Variants in AGBL4 observed in about 807,000 individuals in gnomAD.
AGBL4 encodes the protein cytosolic carboxypeptidase 6.
Under a neutral mutation model 66.4 loss-of-function variants are expected in AGBL4, and 58 were observed. The ratio of observed to expected loss-of-function variants is 0.87; its 90% CI spans 0.71 to 1.09. The LOEUF (loss-of-function observed/expected upper bound fraction) is 1.09, where lower values mean the gene tolerates loss of function less well. Ranked by LOEUF, AGBL4 falls within the 50% of genes least tolerant of loss-of-function variation. The pLI is 0.00. For missense variants in AGBL4, 579 were observed against 631.0 expected (o/e 0.92, Z 0.88); for synonymous variants, 234 against 222.9 (o/e 1.05, Z -0.44).
At chr1:48,843,291 C>T (rs1001901238) in intron 6 of AGBL4, among the ~76,000 whole-genome samples, 9 of 152,032 alleles carry the variant, frequency 5.9e-5, no homozygotes, top group Non-Finnish European at 8.8e-5. Flanking sequence ...GTGTGACTTA[C>T]GATTTCTGAA....
intron 4 of AGBL4, among the ~76,000 whole-genome samples, chr1:49,070,141 A>G (rs1644572098): frequency 6.6e-6 from 1 of 151,954 alleles, no homozygotes; most frequent in Admixed American, 6.5e-5. Context: ...GGCTGAGACA[A>G]TGGGGTTTTC....
At chr1:49,819,948 C>A (rs963678912) in intron 2 of AGBL4, among the ~76,000 whole-genome samples, 30 of 152,234 alleles carry the variant, frequency 2.0e-4, no homozygotes, top group South Asian at 2.1e-4. Flanking sequence ...CCCTGGCAAT[C>A]CTCAGTAATA....
chr1:49,506,891 C>T (rs1437993906), intron 3 of AGBL4, among the ~76,000 whole-genome samples: 1 of 151,984 alleles, frequency 6.6e-6, no homozygotes, highest in African/African-American at 2.4e-5. Flanking sequence ...TATAGTGTGC[C>T]AATCTCTGGT....
chr1:49,514,548 T>C (rs1414127214), intron 3 of AGBL4, among the ~76,000 whole-genome samples: 1 of 151,954 alleles, frequency 6.6e-6, no homozygotes, highest in Non-Finnish European at 1.5e-5. Flanking sequence ...TTAAAGTTCA[T>C]ATGGAACCAA....
intron 1 of AGBL4, among the ~76,000 whole-genome samples, chr1:49,957,711 T>TGG (rs1428312267): frequency 6.6e-6 from 1 of 152,106 alleles, no homozygotes; most frequent in Non-Finnish European, 1.5e-5. Context: ...TCCATTTGCT[T>TGG]CGTAGATCTT....
chr1:48,524,493 A>C, the AGBL4 span, among the ~76,000 whole-genome samples: 1 of 152,152 alleles, frequency 6.6e-6, no homozygotes, highest in South Asian at 2.1e-4. Flanking sequence ...GAAAGAGGAG[A>C]GGTGGCCCTG....
chr1:48,910,608 G>A (rs1323832097), intron 5 of AGBL4, among the ~76,000 whole-genome samples: 2 of 152,038 alleles, frequency 1.3e-5, no homozygotes, highest in Non-Finnish European at 2.9e-5. Flanking sequence ...ACAAGGCATG[G>A]GGTGACAGAA....
chr1:49,950,160 A>G (rs1656022621), intron 1 of AGBL4, among the ~76,000 whole-genome samples: 1 of 145,176 alleles, frequency 6.9e-6, no homozygotes, highest in East Asian at 2.0e-4. Context: ...ATATATATAC[A>G]CACATATATA....
intron 3 of AGBL4, among the ~76,000 whole-genome samples, chr1:49,495,074 T>G (rs1647418974): frequency 6.6e-6 from 1 of 152,114 alleles, no homozygotes; most frequent in South Asian, 2.1e-4. Context: ...AATATCCACA[T>G]TCTCAGAAGC....
At chr1:49,464,323 G>A (rs1233589351) in intron 3 of AGBL4, among the ~76,000 whole-genome samples, 1 of 151,682 alleles carries the variant, frequency 6.6e-6, no homozygotes, top group Admixed American at 6.6e-5. Context: ...TAAGTCCCAG[G>A]GAGGCTTGCC....
At chr1:49,132,516 T>C (rs1645920726) in intron 4 of AGBL4, among the ~76,000 whole-genome samples, 4 of 152,074 alleles carry the variant, frequency 2.6e-5, no homozygotes, top group Admixed American at 1.3e-4. Flanking sequence ...TGATTTGAGA[T>C]TGGAAAAGAT....
intron 3 of AGBL4, among the ~76,000 whole-genome samples, chr1:49,316,392 T>A (rs1248134341): frequency 6.6e-6 from 1 of 151,918 alleles, no homozygotes; most frequent in Non-Finnish European, 1.5e-5. Flanking sequence ...GTAAATTTCA[T>A]TCAATTTTTT....
intron 11 of AGBL4, chr1:48,585,967 G>T (rs1463374944): frequency 6.6e-6 from 1 of 152,182 alleles, no homozygotes; most frequent in Non-Finnish European, 1.5e-5. Context: ...TCTACCTCCA[G>T]GGAGGGGGAA....
intron 3 of AGBL4, among the ~76,000 whole-genome samples, chr1:49,695,066 T>C (rs1280396454): frequency 2.0e-5 from 3 of 152,120 alleles, no homozygotes; most frequent in Non-Finnish European, 4.4e-5. Flanking sequence ...TGAAAAGTAA[T>C]TGGCCCCACT....
chr1:49,399,379 C>A (rs375523880), intron 3 of AGBL4, among the ~76,000 whole-genome samples: 1 of 152,050 alleles, frequency 6.6e-6, no homozygotes, highest in Non-Finnish European at 1.5e-5. Flanking sequence ...GTTGCTGGAT[C>A]GTATGATAAC....
At chr1:49,575,938 T>C (rs1435244532) in intron 3 of AGBL4, among the ~76,000 whole-genome samples, 1 of 152,224 alleles carries the variant, frequency 6.6e-6, no homozygotes, top group Non-Finnish European at 1.5e-5. Flanking sequence ...ACTGATGACA[T>C]TATGCTGACT....
At chr1:48,931,528 C>T (rs942692187) in intron 5 of AGBL4, among the ~76,000 whole-genome samples, 1 of 151,230 alleles carries the variant, frequency 6.6e-6, no homozygotes, top group Non-Finnish European at 1.5e-5. Context: ...CTTTCTCTCT[C>T]TTTTTTTTTG....
At chr1:49,995,053 T>C in intron 1 of AGBL4, 1 of 448,092 alleles carries the variant, frequency 2.2e-6, no homozygotes, top group South Asian at 1.6e-5. Context: ...GAGATGCCAC[T>C]AGAATTGGGG....
At chr1:49,757,821 C>T (rs1195959123) in intron 2 of AGBL4, among the ~76,000 whole-genome samples, 3 of 152,044 alleles carry the variant, frequency 2.0e-5, no homozygotes, top group Non-Finnish European at 2.9e-5. Context: ...TGCAGACTGA[C>T]AATGCAATAG....
Sources: gnomAD v4.1 joint callset for allele counts (sites outside exome capture counted in the v4.1 genomes callset) on GRCh38, gnomAD v4.1.1 for gene constraint, MANE v1.5 for transcripts, NCBI Gene and HGNC (gene_info 2026-07-23, HGNC 2026-07-21) for gene names.